Variants in CCDC30 observed in about 807,000 individuals in gnomAD.
CCDC30 encodes the protein coiled-coil domain containing 30.
In CCDC30, 70 loss-of-function variants were observed where a neutral mutation model predicts 100.2. The ratio of observed to expected loss-of-function variants is 0.70; its 90% CI spans 0.58 to 0.85. The LOEUF is 0.85. Among genes scored for constraint, CCDC30 ranks in the 40% least tolerant of loss-of-function variants. The pLI, the probability that CCDC30 is intolerant of heterozygous loss-of-function variation, is 0.00. For synonymous variants in CCDC30, 233 were observed against 269.5 expected, an observed-to-expected ratio of 0.86 and a Z score of 1.33; for missense variants, 652 against 771.2, an observed-to-expected ratio of 0.85 and a Z score of 1.83.
At chr1:42,567,819 T>A (rs1446540810) in intron 7 of CCDC30, among the ~76,000 whole-genome samples, 1 of 152,182 alleles carries the variant, frequency 6.6e-6, no homozygotes, top group Non-Finnish European at 1.5e-5. Context: ...GCCTTACATA[T>A]GATTGGTACC....
intron 10 of CCDC30, among the ~76,000 whole-genome samples, chr1:42,600,648 T>G (rs1294003016): frequency 6.6e-6 from 1 of 152,190 alleles, no homozygotes; most frequent in Non-Finnish European, 1.5e-5. Context: ...CCAAATCTCA[T>G]GTTGACTTGT....
chr1:42,464,762 G>A (rs972948401), intron 1 of CCDC30, among the ~76,000 whole-genome samples: 1 of 152,182 alleles, frequency 6.6e-6, no homozygotes, highest in Non-Finnish European at 1.5e-5. Flanking sequence ...AGGTTTAAAA[G>A]TAAACCTATT....
At chr1:42,649,402 C>T (rs1648150383) in intron 15 of CCDC30, among the ~76,000 whole-genome samples, 1 of 152,124 alleles carries the variant, frequency 6.6e-6, no homozygotes, top group African/African-American at 2.4e-5. Flanking sequence ...AATTCAAATC[C>T]TTTCATGATA....
intron 15 of CCDC30, among the ~76,000 whole-genome samples, chr1:42,646,663 C>T (rs1001313138): frequency 2.6e-5 from 4 of 152,190 alleles, no homozygotes; most frequent in African/African-American, 4.8e-5. Flanking sequence ...TGGGCATGAG[C>T]CCCTAGACAG....
intron 6 of CCDC30, among the ~76,000 whole-genome samples, chr1:42,546,399 A>ATAT (rs1404484081): frequency 5.0e-4 from 6 of 11,976 alleles, no homozygotes; most frequent in African/African-American, 1.2e-3. Context: ...AAAAAAAAAA[A>ATAT]ATATATATAT....
At chr1:42,505,992 A>G (rs1203890624) in intron 6 of CCDC30, among the ~76,000 whole-genome samples, 1 of 152,234 alleles carries the variant, frequency 6.6e-6, no homozygotes, top group Admixed American at 6.5e-5. Flanking sequence ...ATGGATTCTT[A>G]TTGTACTGAT....
In CCDC30 at chr1:42,476,910, C is replaced by A. The variant is rs139915487; in HGVS notation, c.-91-3551C>A. Among the ~76,000 whole-genome samples the A allele has an allele frequency of 6.0e-3, 866 of 144,422 alleles. 6 individuals carry two copies. Among genetic ancestry groups the A allele is most frequent in the African/African-American group, 0.021 (809 of 39,352 alleles). The allele number at this position is 144,422 out of a possible 152,430, so 94.7% of individuals were successfully genotyped here. On this transcript the variant is annotated intron_variant, in intron 1 of 16. Transcript: ENST00000668663. ...TTTTTTTTTTGTTTTTTTTTTTTGC[C>A]TAGGTGTAGAGAAAATTGAGTTAAT...
At position 42,559,143 on chromosome 1, in the gene CCDC30, A is replaced by G. The variant is rs141015080; in HGVS notation, c.457-7153A>G. Among the ~76,000 whole-genome samples, 916 of 152,286 alleles carry G rather than the reference A, an allele frequency of 6.0e-3. 13 individuals carry two copies. Among genetic ancestry groups the G allele is most frequent in the African/African-American group, 0.021 (885 of 41,562 alleles). On this transcript the variant is annotated intron_variant, in intron 6 of 16. Transcript: ENST00000668663. ...TGCGCTGCAAGAGCTCCTGAAAGAA[A>G]CACTAAATATGGAAAGGAAAAACCG...
intron 9 of CCDC30, among the ~76,000 whole-genome samples, chr1:42,588,514 A>T (rs1057372376): frequency 1.3e-5 from 2 of 152,244 alleles, no homozygotes; most frequent in African/African-American, 4.8e-5. Flanking sequence ...AAGGGACAGT[A>T]ACTCATTAGG....
intron 1 of CCDC30, chr1:42,473,285 C>T: frequency 8.1e-7 from 1 of 1,231,154 alleles, no homozygotes; most frequent in South Asian, 4.1e-5. Flanking sequence ...TAGTGAAGCA[C>T]ATGGGTGAAA....
chr1:42,469,006 A>G (rs1022865560), intron 1 of CCDC30, among the ~76,000 whole-genome samples: 7 of 152,068 alleles, frequency 4.6e-5, no homozygotes, highest in Admixed American at 4.6e-4. Context: ...AGAAAGTGAC[A>G]TCACAGAACA....
At chr1:42,553,965 C>T (rs1433668210) in intron 6 of CCDC30, among the ~76,000 whole-genome samples, 3 of 151,984 alleles carry the variant, frequency 2.0e-5, no homozygotes, top group Admixed American at 1.3e-4. Context: ...TCTCCCTGTT[C>T]CTTTCCAGCT....
intron 1 of CCDC30, among the ~76,000 whole-genome samples, chr1:42,476,956 TG>T (rs1377046645): frequency 2.7e-5 from 4 of 150,844 alleles, no homozygotes; most frequent in Non-Finnish European, 4.4e-5. Context: ...ATTACTGTAC[TG>T]TACCCTCATT....
intron 8 of CCDC30, among the ~76,000 whole-genome samples, chr1:42,577,795 C>G (rs1645872485): frequency 6.6e-6 from 1 of 152,024 alleles, no homozygotes; most frequent in South Asian, 2.1e-4. Context: ...CGTCCACCAC[C>G]ACGCCCGGCT....
intron 11 of CCDC30, among the ~76,000 whole-genome samples, chr1:42,635,433 G>A (rs1486396649): frequency 6.6e-6 from 1 of 152,150 alleles, no homozygotes; most frequent in Admixed American, 6.5e-5. Context: ...ATGCTGCTAT[G>A]AACATTTGTG....
chr1:42,476,824 C>T (rs1037029096), intron 1 of CCDC30, among the ~76,000 whole-genome samples: 5 of 150,736 alleles, frequency 3.3e-5, no homozygotes, highest in African/African-American at 7.3e-5. Flanking sequence ...ATATTCCATT[C>T]GGGATCATTT....
At chr1:42,460,060 T>G, upstream of CCDC30, 6 of 1,414,490 alleles carry the variant, frequency 4.2e-6, no homozygotes, top group African/African-American at 1.4e-5. Context: ...TAGGCAAATA[T>G]GGTTTGGCAT....
At chr1:42,575,313 T>C (rs1278522931) in intron 7 of CCDC30, among the ~76,000 whole-genome samples, 1 of 152,102 alleles carries the variant, frequency 6.6e-6, no homozygotes, top group Non-Finnish European at 1.5e-5. Flanking sequence ...AATCACCTAC[T>C]CTCTGGTTCT....
intron 1 of CCDC30, among the ~76,000 whole-genome samples, chr1:42,473,942 C>T (rs1369633875): frequency 1.3e-5 from 2 of 151,758 alleles, no homozygotes; most frequent in African/African-American, 4.8e-5. Flanking sequence ...GACCAGGCAC[C>T]TAGTGCTTAG....
Sources: allele counts gnomAD v4.1 joint callset (sites outside exome capture counted in the v4.1 genomes callset), GRCh38; gene constraint gnomAD v4.1.1; transcripts MANE v1.5; gene names NCBI Gene and HGNC (gene_info 2026-07-23, HGNC 2026-07-21).